Variants in KLF8 observed in about 807,000 individuals in gnomAD.
KLF8 encodes KLF transcription factor 8.
A neutral mutation model predicts 18.2 loss-of-function variants in KLF8; 10 were observed. That is an observed-to-expected ratio of 0.55 (90% CI 0.34 to 0.93). The LOEUF is 0.93. Ranked by LOEUF, KLF8 falls within the 40% of genes least tolerant of loss-of-function variation. KLF8 has a pLI of 0.02. For synonymous variants in KLF8, 109 were observed against 97.3 expected, an observed-to-expected ratio of 1.12 and a Z score of -0.71; for missense variants, 264 against 277.9, an observed-to-expected ratio of 0.95 and a Z score of 0.36.
At chrX:56,072,980 G>A in the KLF8 span, among the ~76,000 whole-genome samples, 51 of 94,290 alleles carry the variant, frequency 5.4e-4, no homozygotes, top group Middle Eastern at 5.4e-3. Flanking sequence ...GGCTTATTTC[G>A]CTTAGCATTT....
At chrX:56,202,145 T>C in the KLF8 span, among the ~76,000 whole-genome samples, 31 of 110,845 alleles carry the variant, frequency 2.8e-4, no homozygotes, top group Non-Finnish European at 4.9e-4. Context: ...GTCCTCCAGG[T>C]GAACTGTTGG....
At chrX:55,984,653 C>A in the KLF8 span, among the ~76,000 whole-genome samples, 1 of 111,154 alleles carries the variant, frequency 9.0e-6, no homozygotes, top group Non-Finnish European at 1.9e-5. Flanking sequence ...AATGGGATTG[C>A]AGGGTCAAAA....
chrX:55,995,184 G>C, the KLF8 span, among the ~76,000 whole-genome samples: 1 of 111,675 alleles, frequency 9.0e-6, no homozygotes, highest in Non-Finnish European at 1.9e-5. Context: ...GATCCTTCTT[G>C]CTTTAAGGTC....
At chrX:56,046,921 C>G in the KLF8 span, among the ~76,000 whole-genome samples, 1 of 111,536 alleles carries the variant, frequency 9.0e-6, no homozygotes, top group Non-Finnish European at 1.9e-5. Context: ...CTAGCAAGGC[C>G]AGGGAAGTTT....
At chrX:56,088,206 G>C in the KLF8 span, among the ~76,000 whole-genome samples, 1 of 111,224 alleles carries the variant, frequency 9.0e-6, no homozygotes, top group East Asian at 2.8e-4. Context: ...TCAGGGCAAC[G>C]TATACCTAGA....
chrX:55,908,441 C>A, the KLF8 span: 1 of 296,027 alleles, frequency 3.4e-6, no homozygotes, highest in South Asian at 2.0e-4. Flanking sequence ...TGGGTGGGGT[C>A]GAGACTGGCA....
the KLF8 span, among the ~76,000 whole-genome samples, chrX:56,154,613 TTAAAC>T: frequency 1.8e-5 from 2 of 111,979 alleles, no homozygotes; most frequent in Non-Finnish European, 3.8e-5. Context: ...TGGGATCTAA[TTAAAC>T]TAAATAGCTT....
the KLF8 span, among the ~76,000 whole-genome samples, chrX:56,006,151 C>T: frequency 8.9e-6 from 1 of 112,285 alleles, no homozygotes; most frequent in African/African-American, 3.2e-5. Flanking sequence ...CCACTGCAGG[C>T]ATTTCCACAC....
chrX:56,091,453 A>T, the KLF8 span, among the ~76,000 whole-genome samples: 1 of 111,203 alleles, frequency 9.0e-6, no homozygotes, highest in Admixed American at 9.6e-5. Flanking sequence ...AGAACTGATT[A>T]ATACATGTGA....
At chrX:56,252,657 A>T (rs1040356617) in intron 2 of KLF8, among the ~76,000 whole-genome samples, 5 of 112,162 alleles carry the variant, frequency 4.5e-5, no homozygotes, top group Non-Finnish European at 7.5e-5. Flanking sequence ...AATCTTAGCT[A>T]TTGTGAATAG....
At chrX:55,993,801 A>T in the KLF8 span, among the ~76,000 whole-genome samples, 1 of 110,129 alleles carries the variant, frequency 9.1e-6, no homozygotes, top group East Asian at 2.8e-4. Flanking sequence ...TTCAGAACTC[A>T]TTCCTGGTCT....
chrX:56,165,476 G>A, the KLF8 span, among the ~76,000 whole-genome samples: 1 of 112,325 alleles, frequency 8.9e-6, no homozygotes, highest in African/African-American at 3.2e-5. Flanking sequence ...TTTTTCCTAT[G>A]CATGATTTCG....
At chrX:56,133,039 A>G in the KLF8 span, among the ~76,000 whole-genome samples, 1 of 111,396 alleles carries the variant, frequency 9.0e-6, no homozygotes, top group Non-Finnish European at 1.9e-5. Flanking sequence ...TGGCCAACAA[A>G]ACCAGTCCAG....
At position 56,267,250 on chromosome X, in the gene KLF8, G is replaced by T. The variant is rs764330514; in HGVS notation, c.646+1506G>T. ...GTCTGTATTAGTTCGTTTTCATGCTGCTGATAAAGACATACTCGAGACTGG... is the reference window on the plus strand; with the variant it reads ...GTCTGTATTAGTTCGTTTTCATGCTTCTGATAAAGACATACTCGAGACTGG... On this transcript the variant is annotated intron_variant, in intron 3 of 5. Transcript: ENST00000468660. 323 of 713,724 alleles carry T rather than the reference G, an allele frequency of 4.5e-4. 1 individual carries two copies. The highest frequency in any genetic ancestry group is 5.2e-4 in the Non-Finnish European group (313 of 603,540). The allele number at this position is 713,724 out of a possible 1,213,427, so 58.8% of individuals were successfully genotyped here.
the KLF8 span, among the ~76,000 whole-genome samples, chrX:56,047,001 A>C: frequency 1.4e-4 from 15 of 110,870 alleles, no homozygotes; most frequent in African/African-American, 4.9e-4. Flanking sequence ...AACACCAATA[A>C]TTTTTAGGTT....
At chrX:56,122,268 A>C in the KLF8 span, among the ~76,000 whole-genome samples, 4 of 111,764 alleles carry the variant, frequency 3.6e-5, no homozygotes, top group Non-Finnish European at 7.5e-5. Context: ...CCAAAGTGAA[A>C]AAGTTTGGGA....
chrX:56,188,651 G>A, the KLF8 span, among the ~76,000 whole-genome samples: 14 of 111,819 alleles, frequency 1.3e-4, no homozygotes, highest in East Asian at 2.8e-4. Flanking sequence ...AAAACAGCAC[G>A]GTACTGGTAC....
chrX:56,254,361 C>T (rs2066759043), intron 2 of KLF8, among the ~76,000 whole-genome samples: 1 of 111,374 alleles, frequency 9.0e-6, no homozygotes, highest in Non-Finnish European at 1.9e-5. Context: ...TGCCTTTGGG[C>T]ACCGGCAGGA....
At chrX:56,251,952 G>A (rs774559099) in intron 2 of KLF8, among the ~76,000 whole-genome samples, 3 of 111,412 alleles carry the variant, frequency 2.7e-5, no homozygotes, top group East Asian at 5.6e-4. Context: ...GTACAATTAA[G>A]TTATTATTGA....
Sources: gnomAD v4.1 joint callset for allele counts (sites outside exome capture counted in the v4.1 genomes callset) on GRCh38, gnomAD v4.1.1 for gene constraint, MANE v1.5 for transcripts, NCBI Gene and HGNC (gene_info 2026-07-23, HGNC 2026-07-21) for gene names.